UTP18: variants seen among roughly 807,000 people sequenced by gnomAD.
UTP18 encodes UTP18 small subunit processome component.
In UTP18, 36 loss-of-function variants were observed where a neutral mutation model predicts 61.1. The observed-to-expected ratio is 0.59, with a 90% confidence interval of 0.45 to 0.78. UTP18 has a LOEUF of 0.78. Among genes scored for constraint, UTP18 ranks in the 30% least tolerant of loss-of-function variants. UTP18 has a pLI of 0.00. For synonymous variants in UTP18, 282 were observed against 251.1 expected (o/e 1.12, Z -1.16); for missense variants, 753 against 693.9 (o/e 1.09, Z -0.96).
intron 4 of UTP18, among the ~76,000 whole-genome samples, 185 bp from the exon 5 acceptor site, chr17:51,273,174 TCTC>T (rs1193143812): frequency 1.4e-5 from 2 of 141,666 alleles, no homozygotes; most frequent in South Asian, 2.4e-4. Context: ...ATCTTTTTCT[TCTC>T]CTTTAAAATT....
chr17:51,294,476 T>C (rs931420706), intron 12 of UTP18, among the ~76,000 whole-genome samples: 2 of 151,986 alleles, frequency 1.3e-5, no homozygotes, highest in Non-Finnish European at 2.9e-5. Flanking sequence ...TGTGATAGTT[T>C]GCTGAGAATG....
chr17:51,295,975 T>C lies in UTP18; in HGVS notation c.1647-990T>C, dbSNP rs1176011502. On this transcript the variant is annotated intron_variant, in intron 12 of 13. Coordinates refer to ENST00000225298, the MANE Select transcript of UTP18 (RefSeq NM_016001.3). ...CTTTTGCTGATTTAATAATTCAGTT[T>C]ACTCCACTAGATTTAATTGATTTCT... is the stretch of plus-strand genomic sequence containing the variant. 2.0e-5 allele frequency among the ~76,000 whole-genome samples: 3 copies of C among 152,252 alleles called. No individual in the cohort carries two copies. In the East Asian group the frequency reaches 5.8e-4, roughly 29 times the overall value.
intron 3 of UTP18, among the ~76,000 whole-genome samples, chr17:51,266,755 A>G (rs2055565671): frequency 6.6e-6 from 1 of 152,238 alleles, no homozygotes; most frequent in African/African-American, 2.4e-5. Context: ...CATATTCACA[A>G]TACCATTGTC....
At position 51,261,363 on chromosome 17, in the gene UTP18, A is replaced by G. The variant is rs181544979; in HGVS notation, c.342+437A>G. On this transcript the variant is annotated intron_variant, in intron 1 of 13. Coordinates refer to ENST00000225298, the MANE Select transcript of UTP18 (RefSeq NM_016001.3). Reference sequence around the variant, plus strand: ...GTTGTAACTATGTCCCCATGTGACTATGAGACCCACCATGTTTTGAGAATG... The same window carrying G: ...GTTGTAACTATGTCCCCATGTGACTGTGAGACCCACCATGTTTTGAGAATG... Among the ~76,000 whole-genome samples, 747 of 152,334 alleles carry G rather than the reference A, an allele frequency of 4.9e-3. 3 individuals carry two copies. The highest frequency in any genetic ancestry group is 8.9e-3 in the Non-Finnish European group (604 of 68,024).
intron 1 of UTP18, among the ~76,000 whole-genome samples, chr17:51,262,945 T>C (rs1287173675): frequency 6.6e-6 from 1 of 152,250 alleles, no homozygotes; most frequent in African/African-American, 2.4e-5. Flanking sequence ...TCCTGTAATT[T>C]CTGTAGTTCT....
rs761717183 is a variant in UTP18, at chr17:51,277,310, AT to A, written c.1012+9del. 6.2e-7 allele frequency: 1 copy of A among 1,613,458 alleles called. No homozygotes were observed. Among genetic ancestry groups the A allele is most frequent in the Non-Finnish European group, 8.5e-7 (1 of 1,179,576 alleles). ...TCCTGTGCATCAAGTGAGAGGTAAG[AT>A]TTCTGTTGAATGCACACAACCAGTC... is the stretch of plus-strand genomic sequence containing the variant. On this transcript the variant is annotated splice_region_variant and intron_variant, in intron 7 of 13. Transcript: ENST00000225298.
At chr17:51,287,534 A>G (rs1157725015) in intron 10 of UTP18, among the ~76,000 whole-genome samples, 1 of 152,114 alleles carries the variant, frequency 6.6e-6, no homozygotes, top group African/African-American at 2.4e-5. Context: ...CAACCAGAGG[A>G]GTGGAATTGT....
chr17:51,262,581 T>G (rs1211761187), intron 1 of UTP18, among the ~76,000 whole-genome samples: 1 of 152,146 alleles, frequency 6.6e-6, no homozygotes, highest in Non-Finnish European at 1.5e-5. Context: ...TGGTCACAGA[T>G]AAATTACACC....
chr17:51,261,070 G>A, intron 1 of UTP18, 144 bp downstream of exon 1: 2 of 711,432 alleles, frequency 2.8e-6, no homozygotes, highest in Non-Finnish European at 3.9e-6. Context: ...GGGCGCGGAG[G>A]GTCGCAGCTG....
At chr17:51,275,001 C>G (rs1353194638) in intron 5 of UTP18, among the ~76,000 whole-genome samples, 1 of 151,400 alleles carries the variant, frequency 6.6e-6, no homozygotes, top group Admixed American at 6.6e-5. Flanking sequence ...AGTTTGAGAC[C>G]AGCGTGACCA....
At chr17:51,289,181 A>AT (rs760323549) in intron 11 of UTP18, among the ~76,000 whole-genome samples, 2 of 144,450 alleles carry the variant, frequency 1.4e-5, no homozygotes. Flanking sequence ...CCTTGTAAGC[A>AT]GACCTTTCTG....
chr17:51,271,798 G>C (rs908062661), intron 4 of UTP18, among the ~76,000 whole-genome samples: 2 of 152,004 alleles, frequency 1.3e-5, no homozygotes, highest in Non-Finnish European at 1.5e-5. Flanking sequence ...CACCCAAGTA[G>C]CTGGGATTAC....
At chr17:51,285,186 T>C in intron 9 of UTP18, 59 bp from the exon 10 acceptor site, 1 of 1,602,732 alleles carries the variant, frequency 6.2e-7, no homozygotes, top group Non-Finnish European at 8.5e-7. Flanking sequence ...GTGGCCAGTT[T>C]ACTTGCCTTT....
At chr17:51,280,265 ATTACAGGGAAAAATAAAG>A (rs1904868580) in intron 8 of UTP18, 106 bp from the exon 9 acceptor site, 18 of 1,316,374 alleles carry the variant, frequency 1.4e-5, no homozygotes, top group Non-Finnish European at 1.8e-5. Flanking sequence ...AGAGCTTTTG[ATTACAGGGAAAAATAAAG>A]TTGAGTAGGT....
chr17:51,273,277 A>T, intron 4 of UTP18, 85 bp from the exon 5 acceptor site: 1 of 975,190 alleles, frequency 1.0e-6, no homozygotes, highest in South Asian at 2.6e-5. Context: ...GTTGATGTTG[A>T]AAATATATTC....
At chr17:51,287,947 T>C (rs974229517) in intron 10 of UTP18, 82 bp from the exon 11 acceptor site, 28 of 1,069,702 alleles carry the variant, frequency 2.6e-5, no homozygotes, top group Middle Eastern at 3.1e-4. Context: ...TACCAGTTTG[T>C]GGGGTTAAAT....
chr17:51,291,027 C>G (rs935314366), intron 11 of UTP18, among the ~76,000 whole-genome samples: 3 of 152,088 alleles, frequency 2.0e-5, no homozygotes, highest in Admixed American at 2.0e-4. Context: ...AACTTTCTAC[C>G]CATTAAATCA....
At chr17:51,263,252 G>T in intron 1 of UTP18, 22 bp from the exon 2 acceptor site, 1 of 1,603,652 alleles carries the variant, frequency 6.2e-7, no homozygotes, top group Non-Finnish European at 8.5e-7. Context: ...CTCAGTGCTT[G>T]AGGGTGTTTT....
rs1358237355 is a variant in UTP18 at position 51,260,574 on chromosome 17, C to T, written c.-11C>T. 3.1e-6 allele frequency: 5 copies of T among 1,610,082 alleles called. No homozygotes were observed. The Admixed American group carries it at 6.7e-5, about 22-fold the overall frequency. ...CCACGTGAGCGCCTGCGTTTCTCCT[C>T]AAACCTAACGATGCCGCCGGAGCGG... On this transcript the variant is annotated 5_prime_UTR_variant, in exon 1 of 14. Coordinates refer to ENST00000225298, the MANE Select transcript of UTP18 (RefSeq NM_016001.3).
Sources: allele counts gnomAD v4.1 joint callset (sites outside exome capture counted in the v4.1 genomes callset), GRCh38; gene constraint gnomAD v4.1.1; transcripts MANE v1.5; gene names NCBI Gene and HGNC (gene_info 2026-07-23, HGNC 2026-07-21).